The following CHST9 variants were observed in gnomAD, a reference collection of about 807,000 sequenced individuals.
CHST9 encodes the protein carbohydrate sulfotransferase 9.
CHST9 carries 41 observed loss-of-function variants against 44.4 expected under a neutral mutation model. The ratio of observed to expected loss-of-function variants is 0.92; its 90% CI spans 0.72 to 1.20. The LOEUF (loss-of-function observed/expected upper bound fraction) is 1.20. Among genes scored for constraint, CHST9 ranks in the 50% most tolerant of loss-of-function variants. The pLI is 0.00. For missense variants in CHST9, 504 were observed against 516.5 expected, an observed-to-expected ratio of 0.98 and a Z score of 0.23; for synonymous variants, 171 against 178.4, an observed-to-expected ratio of 0.96 and a Z score of 0.33.
At chr18:27,155,365 T>C (rs2058691380) in intron 1 of CHST9, among the ~76,000 whole-genome samples, 1 of 152,212 alleles carries the variant, frequency 6.6e-6, no homozygotes, top group Non-Finnish European at 1.5e-5. Context: ...CTATTTTTAC[T>C]GCTAGAGAGG....
chr18:26,988,640 A>C lies in CHST9; in HGVS notation c.202+35476T>G, dbSNP rs140617393. Among the ~76,000 whole-genome samples the C allele has an allele frequency of 9.1e-3, 1,393 of 152,294 alleles. 19 individuals carry two copies. The highest frequency in any genetic ancestry group is 0.032 in the African/African-American group (1,331 of 41,580). On this transcript the variant is annotated intron_variant, in intron 4 of 5. Transcript: ENST00000618847. Reference sequence around the variant, plus strand: ...TCTCTTCCAATAAAGAATAGAATAGACAGATACTCATCAAGGCTATAATAG... The same window carrying C: ...TCTCTTCCAATAAAGAATAGAATAGCCAGATACTCATCAAGGCTATAATAG...
intron 4 of CHST9, among the ~76,000 whole-genome samples, chr18:26,975,709 A>ATATGTGTG (rs1486333121): frequency 3.5e-5 from 2 of 56,978 alleles, no homozygotes; most frequent in African/African-American, 1.6e-4. Context: ...ATGTGTATAT[A>ATATGTGTG]TGTGTGTGTG....
intron 5 of CHST9, among the ~76,000 whole-genome samples, chr18:26,941,821 G>A (rs1332954659): frequency 2.0e-5 from 3 of 152,190 alleles, no homozygotes; most frequent in African/African-American, 7.2e-5. Context: ...GACTCAAATA[G>A]TTGTTTGTTC....
chr18:27,006,982 C>A lies in CHST9; in HGVS notation c.202+17134G>T, dbSNP rs111355752. On this transcript the variant is annotated intron_variant, in intron 4 of 5. Transcript: ENST00000618847. ...GTGTGTATGTGAGCATGTGTACGTG[C>A]ATGTGTGTGTGCGTGTATATGCGTG... Among the ~76,000 whole-genome samples the A allele has an allele frequency of 9.2e-3, 1,400 of 152,136 alleles. 21 individuals are homozygous for A. The highest frequency in any genetic ancestry group is 0.032 in the African/African-American group (1,338 of 41,502).
At chr18:27,133,068 C>G (rs1189310874) in intron 2 of CHST9, among the ~76,000 whole-genome samples, 1 of 152,146 alleles carries the variant, frequency 6.6e-6, no homozygotes, top group Non-Finnish European at 1.5e-5. Flanking sequence ...CCTCCCATCC[C>G]CTGGACGATA....
intron 1 of CHST9, among the ~76,000 whole-genome samples, chr18:27,170,797 C>G (rs567516739): frequency 6.6e-6 from 1 of 152,088 alleles, no homozygotes; most frequent in African/African-American, 2.4e-5. Context: ...GAGAAGAGAA[C>G]AAGAATCGAC....
At chr18:26,918,461 T>C (rs1328226826) in intron 5 of CHST9, among the ~76,000 whole-genome samples, 3 of 151,984 alleles carry the variant, frequency 2.0e-5, no homozygotes, top group Non-Finnish European at 4.4e-5. Flanking sequence ...CTAGGGAATA[T>C]AAACATGATT....
intron 2 of CHST9, among the ~76,000 whole-genome samples, chr18:27,065,253 T>C (rs1391258098): frequency 1.3e-5 from 2 of 152,218 alleles, no homozygotes; most frequent in Admixed American, 1.3e-4. Flanking sequence ...TTCTCCAATT[T>C]TGGAAAGCCA....
intron 1 of CHST9, among the ~76,000 whole-genome samples, chr18:27,156,665 G>T (rs1253468795): frequency 6.6e-6 from 1 of 152,048 alleles, no homozygotes; most frequent in Non-Finnish European, 1.5e-5. Flanking sequence ...GAGGCAATGG[G>T]CAACAGAGTA....
chr18:27,015,160 G>T (rs2057136534), intron 4 of CHST9, among the ~76,000 whole-genome samples: 1 of 152,166 alleles, frequency 6.6e-6, no homozygotes. Flanking sequence ...AGAGTTTTCT[G>T]CTAAGATATT....
intron 4 of CHST9, among the ~76,000 whole-genome samples, chr18:27,011,083 A>G (rs1427269302): frequency 6.6e-6 from 1 of 152,180 alleles, no homozygotes; most frequent in Non-Finnish European, 1.5e-5. Flanking sequence ...GAGATTAACA[A>G]TAAGGAGGAC....
chr18:27,151,820 A>T (rs1029039451), intron 1 of CHST9, among the ~76,000 whole-genome samples: 1 of 152,206 alleles, frequency 6.6e-6, no homozygotes, highest in Non-Finnish European at 1.5e-5. Context: ...TGACACCTTA[A>T]TTTTAGCCCC....
chr18:27,092,246 A>T (rs2058076214), intron 2 of CHST9, among the ~76,000 whole-genome samples: 1 of 152,144 alleles, frequency 6.6e-6, no homozygotes, highest in South Asian at 2.1e-4. Context: ...TGTTTATAGT[A>T]TTATCTGATG....
rs1390351153 is a variant in CHST9 at position 26,911,337 on chromosome 18, A to C, written c.*4922T>G. 2 of 152,212 alleles carry C rather than the reference A, an allele frequency of 1.3e-5. No homozygotes were observed. Among genetic ancestry groups the C allele is most frequent in the South Asian group, 4.1e-4 (2 of 4,824 alleles). 9.4% of individuals were successfully genotyped at this position (152,212 alleles called of 1,614,324 possible). ...TTCCAATGACAACAACAGATATTTT[A>C]TATTCATAAAAAGTGAGATAAATAG... On this transcript the variant is annotated 3_prime_UTR_variant, in exon 6 of 6. Coordinates refer to ENST00000618847, the MANE Select transcript of CHST9 (RefSeq NM_031422.6).
chr18:26,936,004 G>A (rs2055983962), intron 5 of CHST9: 1 of 152,158 alleles, frequency 6.6e-6, no homozygotes, highest in Non-Finnish European at 1.5e-5. Context: ...TCTCCAGGGT[G>A]ACTTTATTCA....
intron 2 of CHST9, among the ~76,000 whole-genome samples, chr18:27,069,541 T>TC (rs567463775): frequency 1.3e-4 from 20 of 152,146 alleles, no homozygotes; most frequent in Admixed American, 2.6e-4. Context: ...AAGTCAACAC[T>TC]CCTTCTTCAC....
intron 2 of CHST9, among the ~76,000 whole-genome samples, chr18:27,121,618 T>C (rs1229169345): frequency 6.6e-6 from 1 of 152,114 alleles, no homozygotes; most frequent in Non-Finnish European, 1.5e-5. Context: ...TCAATAAAGA[T>C]GATAAAAGGC....
chr18:27,046,097 A>C (rs924206865), intron 3 of CHST9, among the ~76,000 whole-genome samples: 2 of 151,378 alleles, frequency 1.3e-5, no homozygotes, highest in African/African-American at 4.9e-5. Flanking sequence ...GCAATGATTT[A>C]ACCAAACTCT....
intron 2 of CHST9, among the ~76,000 whole-genome samples, chr18:27,141,587 G>A (rs1452326562): frequency 0.015 from 458 of 29,870 alleles, 2 homozygotes; most frequent in African/African-American, 0.066. Flanking sequence ...GTAAAATCCC[G>A]ACTCAAAAAA....
Sources: allele counts gnomAD v4.1 joint callset (sites outside exome capture counted in the v4.1 genomes callset), GRCh38; gene constraint gnomAD v4.1.1; transcripts MANE v1.5; gene names NCBI Gene and HGNC (gene_info 2026-07-23, HGNC 2026-07-21).